PLXNA4: variants seen among roughly 807,000 people sequenced by gnomAD.
The protein encoded by PLXNA4 is plexin-A4.
Under a neutral mutation model 191.8 loss-of-function variants are expected in PLXNA4, and 44 were observed. The observed-to-expected ratio is 0.23, with a 90% CI of 0.18 to 0.29. The LOEUF (loss-of-function observed/expected upper bound fraction) is 0.29. Among genes scored for constraint, PLXNA4 ranks in the 10% least tolerant of loss-of-function variants. The pLI, the probability that PLXNA4 is intolerant of heterozygous loss-of-function variation, is 1.00. For missense variants in PLXNA4, 1,800 were observed against 2,488.8 expected (o/e 0.72, Z 5.89); for synonymous variants, 1,082 against 1,009.5 (o/e 1.07, Z -1.36).
At chr7:132,223,381 T>A (rs1044310699) in intron 9 of PLXNA4, 146 bp downstream of exon 9, 66 of 666,692 alleles carry the variant, frequency 9.9e-5, no homozygotes, top group Admixed American at 1.6e-4. Context: ...ATTTCCTGTT[T>A]TTATAAAGTG....
At chr7:132,523,364 G>A (rs901004682) in intron 1 of PLXNA4, among the ~76,000 whole-genome samples, 2 of 152,182 alleles carry the variant, frequency 1.3e-5, no homozygotes, top group Admixed American at 6.5e-5. Flanking sequence ...CTTGCAGGGG[G>A]ACTGAATGGC....
At chr7:132,284,707 C>T (rs992938093) in intron 4 of PLXNA4, among the ~76,000 whole-genome samples, 2 of 152,164 alleles carry the variant, frequency 1.3e-5, no homozygotes, top group Non-Finnish European at 2.9e-5. Flanking sequence ...ACCAAAAACA[C>T]CTAATACGCT....
At chr7:132,484,508 G>C (rs1797464733) in intron 3 of PLXNA4, among the ~76,000 whole-genome samples, 1 of 152,160 alleles carries the variant, frequency 6.6e-6, no homozygotes, top group Non-Finnish European at 1.5e-5. Context: ...GCAAATAGAG[G>C]GTCTTTTCCT....
intron 4 of PLXNA4, among the ~76,000 whole-genome samples, chr7:132,269,102 G>T (rs1201280494): frequency 6.6e-6 from 1 of 152,052 alleles, no homozygotes; most frequent in Non-Finnish European, 1.5e-5. Flanking sequence ...TCTCCACATT[G>T]GGTCCCTCAA....
intron 16 of PLXNA4, among the ~76,000 whole-genome samples, chr7:132,184,798 G>A (rs73155266): frequency 0.13 from 19,784 of 152,104 alleles, 1,870 homozygotes; most frequent in African/African-American, 0.25. Flanking sequence ...AGAGGGGAGG[G>A]GAAATATAAG....
chr7:132,630,018 T>A (rs1455343410), intron 2 of PLXNA4, among the ~76,000 whole-genome samples: 2 of 151,916 alleles, frequency 1.3e-5, no homozygotes, highest in East Asian at 3.9e-4. Flanking sequence ...CCTGGCTAAT[T>A]TTTTTGTATT....
chr7:132,638,500 A>C (rs192603482), intron 2 of PLXNA4, among the ~76,000 whole-genome samples: 3 of 152,100 alleles, frequency 2.0e-5, no homozygotes, highest in Admixed American at 2.0e-4. Flanking sequence ...AAAAATACAA[A>C]AATTAACTGG....
intron 3 of PLXNA4, among the ~76,000 whole-genome samples, chr7:132,468,822 T>A (rs1456121537): frequency 6.6e-6 from 1 of 152,026 alleles, no homozygotes; most frequent in Non-Finnish European, 1.5e-5. Flanking sequence ...AGGAATTATG[T>A]AACACATCAG....
At chr7:132,457,268 C>G (rs568325859) in intron 3 of PLXNA4, among the ~76,000 whole-genome samples, 6 of 152,316 alleles carry the variant, frequency 3.9e-5, no homozygotes, top group Middle Eastern at 3.4e-3. Flanking sequence ...TTTTGCTGTT[C>G]CAGGATCCAA....
At chr7:132,134,281 C>T (rs1471346668) in intron 30 of PLXNA4, among the ~76,000 whole-genome samples, 1 of 152,208 alleles carries the variant, frequency 6.6e-6, no homozygotes, top group African/African-American at 2.4e-5. Context: ...CAGCCCTATC[C>T]TTCACTTCTC....
intron 9 of PLXNA4, among the ~76,000 whole-genome samples, chr7:132,217,081 C>T (rs1164937106): frequency 1.3e-5 from 2 of 152,212 alleles, no homozygotes; most frequent in African/African-American, 2.4e-5. Flanking sequence ...CCTTTAAAGG[C>T]CTGGCATTCA....
At chr7:132,645,250 T>TA (rs1172764471) in intron 2 of PLXNA4, among the ~76,000 whole-genome samples, 1 of 152,180 alleles carries the variant, frequency 6.6e-6, no homozygotes, top group East Asian at 1.9e-4. Context: ...GTAATCCTCA[T>TA]AATCCTCACA....
chr7:132,210,089 T>G (rs1797746820), intron 10 of PLXNA4, among the ~76,000 whole-genome samples: 1 of 152,226 alleles, frequency 6.6e-6, no homozygotes, highest in African/African-American at 2.4e-5. Context: ...CTTCCAGGCC[T>G]CTACTTTCTC....
At chr7:132,545,071 T>C (rs1464676895) in intron 1 of PLXNA4, among the ~76,000 whole-genome samples, 1 of 152,086 alleles carries the variant, frequency 6.6e-6, no homozygotes, top group Non-Finnish European at 1.5e-5. Flanking sequence ...GTAGCAAATG[T>C]ATTTTTTTTC....
Position 132,576,365 on chromosome 7 carries a change from G to T in PLXNA4, c.-87+57C>A. ...CTCCCGGGTCGGCCCAGGTCTGTCC[G>T]ACCTTGCTGCCCTCGCCGCCCGCCC... is the stretch of plus-strand genomic sequence containing the variant. On this transcript the variant is annotated intron_variant, in intron 1 of 31. Transcript: ENST00000321063. The surrounding 1 kb of genome is among the most constrained non-coding windows in gnomAD (Gnocchi z 5.8). 1 of 985,200 alleles carries T rather than the reference G, an allele frequency of 1.0e-6. No homozygotes were observed. Among genetic ancestry groups the T allele is most frequent in the Non-Finnish European group, 1.2e-6 (1 of 829,582 alleles). The allele number at this position is 985,200 out of a possible 1,614,324, so 61.0% of individuals were successfully genotyped here.
chr7:132,256,944 A>G (rs1386161441), intron 4 of PLXNA4, among the ~76,000 whole-genome samples: 2 of 152,176 alleles, frequency 1.3e-5, no homozygotes, highest in East Asian at 1.9e-4. Context: ...CCCCATTCAT[A>G]AGCAATTTCA....
chr7:132,438,732 A>G (rs1795572026), intron 3 of PLXNA4, among the ~76,000 whole-genome samples: 1 of 152,232 alleles, frequency 6.6e-6, no homozygotes, highest in Non-Finnish European at 1.5e-5. Flanking sequence ...GTTTTTAAAA[A>G]TTACAGCTCT....
At chr7:132,292,072 G>A (rs1800913203) in intron 4 of PLXNA4, among the ~76,000 whole-genome samples, 1 of 152,206 alleles carries the variant, frequency 6.6e-6, no homozygotes, top group Admixed American at 6.5e-5. Flanking sequence ...TGGGATTGCA[G>A]GCGTGAGCCC....
chr7:132,458,709 G>A (rs10242221), intron 3 of PLXNA4, among the ~76,000 whole-genome samples: 23 of 151,914 alleles, frequency 1.5e-4, no homozygotes, highest in African/African-American at 5.6e-4. Flanking sequence ...TCTATTTATT[G>A]GTTTCAGTAC....
Sources: gnomAD v4.1 joint callset for allele counts (sites outside exome capture counted in the v4.1 genomes callset) on GRCh38, gnomAD v4.1.1 for gene constraint, Gnocchi (gnomAD v3.1) non-coding constraint, MANE v1.5 for transcripts, NCBI Gene and HGNC (gene_info 2026-07-23, HGNC 2026-07-21) for gene names.